The following CLIP1 variants were observed in gnomAD, a reference collection of about 807,000 sequenced individuals.
CLIP1 encodes CAP-Gly domain containing linker protein 1.
In CLIP1, 66 loss-of-function variants were observed where a neutral mutation model predicts 161.6. That is an observed-to-expected ratio of 0.41 (90% CI 0.33 to 0.50). The LOEUF (loss-of-function observed/expected upper bound fraction) is 0.50. Ranked by LOEUF, CLIP1 falls within the 20% of genes least tolerant of loss-of-function variation. The pLI, the probability that CLIP1 is intolerant of heterozygous loss-of-function variation, is 0.27. For synonymous variants in CLIP1, 598 were observed against 626.2 expected, an observed-to-expected ratio of 0.96 and a Z score of 0.67; for missense variants, 1,376 against 1,702.0, an observed-to-expected ratio of 0.81 and a Z score of 3.37.
intron 3 of CLIP1, among the ~76,000 whole-genome samples, chr12:122,370,899 A>G (rs1954414749): frequency 6.7e-6 from 1 of 150,026 alleles, no homozygotes; most frequent in Non-Finnish European, 1.5e-5. Context: ...CAGAGGTTGC[A>G]GTGAGCCGAG....
chr12:122,383,984 A>G (rs763181535), intron 1 of CLIP1, among the ~76,000 whole-genome samples: 15 of 152,222 alleles, frequency 9.9e-5, no homozygotes, highest in Non-Finnish European at 1.9e-4. Flanking sequence ...TGTAAGGACC[A>G]TAACACATAG....
intron 1 of CLIP1, among the ~76,000 whole-genome samples, chr12:122,416,220 G>GA (rs932735127): frequency 2.4e-4 from 36 of 151,326 alleles, no homozygotes; most frequent in East Asian, 3.9e-4. Context: ...CTGGGTGATA[G>GA]AAAAAAAAAG....
intron 3 of CLIP1, among the ~76,000 whole-genome samples, chr12:122,374,152 ATG>A (rs772316989): frequency 7.9e-5 from 12 of 151,940 alleles, no homozygotes; most frequent in Non-Finnish European, 1.3e-4. Flanking sequence ...CCTGGCCAAT[ATG>A]GTGAAACCCT....
chr12:122,323,768 T>C lies in CLIP1; in HGVS notation c.3249+4179A>G, dbSNP rs1193917153. ...TTTCTCAGCTGTGAGATCTTCAGTC[T>C]CCTGTACCAAAGCTTTCTGATCTTT... On this transcript the variant is annotated intron_variant, in intron 17 of 25. Coordinates refer to ENST00000620786, the MANE Select transcript of CLIP1 (RefSeq NM_001247997.2). The surrounding 1 kb of genome is among the most constrained non-coding windows in gnomAD (Gnocchi z 4.1). 1 of 152,710 alleles carries C rather than the reference T, an allele frequency of 6.5e-6. No homozygotes were observed. The highest frequency in any genetic ancestry group is 2.4e-5 in the African/African-American group (1 of 41,478). The allele number at this position is 152,710 out of a possible 1,614,324, so 9.5% of individuals were successfully genotyped here.
chr12:122,386,833 A>AC (rs1955288643), intron 1 of CLIP1, among the ~76,000 whole-genome samples: 1 of 150,366 alleles, frequency 6.7e-6, no homozygotes, highest in Non-Finnish European at 1.5e-5. Flanking sequence ...CAAAAAAAAA[A>AC]AAAAAAAGAG....
chr12:122,415,347 T>C (rs907493164), intron 1 of CLIP1, among the ~76,000 whole-genome samples: 3 of 151,618 alleles, frequency 2.0e-5, no homozygotes, highest in Non-Finnish European at 4.4e-5. Context: ...CCGGGTGTGG[T>C]GGCGGGCGCC....
At chr12:122,362,159 G>C (rs370081828) in intron 4 of CLIP1, among the ~76,000 whole-genome samples, 1 of 150,858 alleles carries the variant, frequency 6.6e-6, no homozygotes, top group African/African-American at 2.4e-5. Flanking sequence ...TCAATATGTT[G>C]GCCAGGATGG....
rs563049867 is a variant in CLIP1, at chr12:122,281,444, T to C, written c.3648-2299A>G. Among the ~76,000 whole-genome samples the C allele has an allele frequency of 2.7e-4, 41 of 152,032 alleles. No homozygotes were observed. In the East Asian group the frequency reaches 7.3e-3, roughly 27 times the overall value. The stretch of plus-strand genomic sequence containing the variant: ...TCTCATCCATGTCATCCCAGCATTC[T>C]GGGAGGCCAAGGCAGGAGGATCGCT... On this transcript the variant is annotated intron_variant, in intron 21 of 25. Transcript: ENST00000620786.
chr12:122,337,339 T>G (rs1191750007), intron 11 of CLIP1, among the ~76,000 whole-genome samples: 1 of 150,262 alleles, frequency 6.7e-6, no homozygotes, highest in African/African-American at 2.5e-5. Context: ...TCCCGCTACT[T>G]GGGAGGCTGA....
At chr12:122,385,131 C>T (rs1955196194) in intron 1 of CLIP1, among the ~76,000 whole-genome samples, 1 of 151,930 alleles carries the variant, frequency 6.6e-6, no homozygotes, top group African/African-American at 2.4e-5. Flanking sequence ...CGGGGTTTCA[C>T]CATATTGGCC....
rs57202144 is a variant in CLIP1, at chr12:122,341,762, CTTTT to C, written c.1507-69_1507-66del. On this transcript the variant is annotated intron_variant, in intron 10 of 25. Transcript: ENST00000620786. ...AACAAGTCATTGACTATTTTCTTTTCTTTTTTTTTTTTTTTTTTTTTTTTTTTTT... is the reference window on the plus strand; with the variant it reads ...AACAAGTCATTGACTATTTTCTTTTCTTTTTTTTTTTTTTTTTTTTTTTTT... 126 of 98,616 alleles carry C rather than the reference CTTTT, an allele frequency of 1.3e-3. 3 individuals are homozygous for C. The highest frequency in any genetic ancestry group is 2.0e-3 in the Non-Finnish European group (95 of 48,136). The allele number at this position is 98,616 out of a possible 1,614,324, so 6.1% of individuals were successfully genotyped here.
intron 1 of CLIP1, among the ~76,000 whole-genome samples, chr12:122,417,486 T>C (rs1365131110): frequency 2.0e-5 from 3 of 149,416 alleles, no homozygotes; most frequent in African/African-American, 7.4e-5. Flanking sequence ...AGCAATTTTT[T>C]AAAAAGGCAT....
At chr12:122,422,779 C>T (rs1323601187), upstream of CLIP1, 2 of 99,370 alleles carry the variant, frequency 2.0e-5, no homozygotes, top group African/African-American at 5.4e-5. Context: ...GGCCCGCGCC[C>T]GGCCCCGCGC....
intron 15 of CLIP1, among the ~76,000 whole-genome samples, chr12:122,329,977 C>T (rs893288059): frequency 6.6e-6 from 1 of 151,892 alleles, no homozygotes; most frequent in Non-Finnish European, 1.5e-5. Context: ...ATTAGCTGGG[C>T]GTGGTGGCGC....
At position 122,328,083 on chromosome 12, in the gene CLIP1, G is replaced by C. The variant is rs145767151; in HGVS notation, c.3113C>G (p.Thr1038Ser). Residue 1038 changes from threonine to serine, a missense_variant, in exon 17 of 26, where the codon ACC (threonine) becomes AGC (serine). Thr to Ser is a moderately conservative substitution (Grantham distance 58). Around this residue, in one of 6 missense-constraint regions of CLIP1, gnomAD observed 948 missense variants for 1,134.8 expected, o/e 0.84. Coordinates refer to ENST00000620786, the MANE Select transcript of CLIP1 (RefSeq NM_001247997.2). Reference protein sequence around the residue: ...RYERATSETKTKHEEILQNLQ... With the variant: ...RYERATSETKSKHEEILQNLQ... ...GTTCTGTAGGATTTCTTCATGCTTG[G>C]TTTTTGTCTCAGAAGTGGCTCTCTC... The C allele has an allele frequency of 5.0e-6, 8 of 1,614,106 alleles. No homozygotes were observed. Among genetic ancestry groups the C allele is most frequent in the Non-Finnish European group, 5.9e-6 (7 of 1,180,030 alleles).
In CLIP1 at chr12:122,363,137, A is replaced by G. The variant is rs182304104; in HGVS notation, c.782+846T>C. ...TGTGCCTTCAAAACATTTTGAAAAG[A>G]AAAGTGGGAAATTCCTTCTGCATCT... On this transcript the variant is annotated intron_variant, in intron 4 of 25. Coordinates refer to ENST00000620786, the MANE Select transcript of CLIP1 (RefSeq NM_001247997.2). Among the ~76,000 whole-genome samples the G allele has an allele frequency of 7.9e-4, 120 of 152,328 alleles. 1 individual carries two copies. Among genetic ancestry groups the G allele is most frequent in the Middle Eastern group, 3.4e-3 (1 of 294 alleles).
At chr12:122,400,304 CAA>C (rs1956097904) in intron 1 of CLIP1, 1 of 150,320 alleles carries the variant, frequency 6.7e-6, no homozygotes, top group South Asian at 2.1e-4. Flanking sequence ...TTGAGTAAAA[CAA>C]AAAAGTCAAC....
At chr12:122,365,341 G>T in intron 3 of CLIP1, 1 of 957,276 alleles carries the variant, frequency 1.0e-6, no homozygotes, top group Non-Finnish European at 1.7e-6. Flanking sequence ...GGCAAAAGTG[G>T]AAGTCTACAA....
At chr12:122,399,112 T>C (rs1000497707) in intron 1 of CLIP1, among the ~76,000 whole-genome samples, 4 of 152,146 alleles carry the variant, frequency 2.6e-5, no homozygotes, top group African/African-American at 9.7e-5. Flanking sequence ...TTTTTAAATG[T>C]CATGGTTCAA....
Sources: gnomAD v4.1 joint callset for allele counts (sites outside exome capture counted in the v4.1 genomes callset) on GRCh38, gnomAD v4.1.1 for gene constraint, gnomAD v4.1.1 regional missense constraint, Gnocchi (gnomAD v3.1) non-coding constraint, MANE v1.5 for transcripts, NCBI Gene and HGNC (gene_info 2026-07-23, HGNC 2026-07-21) for gene names.